GTF2E1: variants seen among roughly 807,000 people sequenced by gnomAD.
GTF2E1 encodes general transcription factor IIE subunit 1, also known as TFIIE alpha subunit.
Under a neutral mutation model 34.9 loss-of-function variants are expected in GTF2E1, and 14 were observed. The observed-to-expected ratio is 0.40, with a 90% CI of 0.27 to 0.63. The LOEUF (loss-of-function observed/expected upper bound fraction) is 0.63, where lower values mean the gene tolerates loss of function less well. Among genes scored for constraint, GTF2E1 ranks in the 20% least tolerant of loss-of-function variants. The pLI is 0.39. For synonymous variants in GTF2E1, 188 were observed against 192.9 expected, an observed-to-expected ratio of 0.97 and a Z score of 0.21; for missense variants, 469 against 557.7, an observed-to-expected ratio of 0.84 and a Z score of 1.60.
At position 120,770,734 on chromosome 3, in the gene GTF2E1, T is replaced by G. The variant is rs1709344028; in HGVS notation, c.455T>G (p.Phe152Cys). 1.2e-6 allele frequency: 2 copies of G among 1,612,322 alleles called. No individual in the cohort carries two copies. The highest frequency in any genetic ancestry group is 8.5e-7 in the Non-Finnish European group (1 of 1,178,612). ...NQLFDPMTGT[F>C]RCTFCHTEVE... ...ATACTTGTTTTCTCTGTAGGAACTT[T>G]CCGCTGTACTTTTTGCCATACAGAG... is the stretch of plus-strand genomic sequence containing the variant. The change falls in exon 3 of 5, where the codon TTC becomes TGC. Residue 152 changes from phenylalanine to cysteine, a missense_variant. By Grantham distance (205) the Phe-to-Cys change is radical. Transcript: ENST00000283875.
At chr3:120,755,944 A>G (rs1402280888) in intron 2 of GTF2E1, among the ~76,000 whole-genome samples, 1 of 152,152 alleles carries the variant, frequency 6.6e-6, no homozygotes, top group Non-Finnish European at 1.5e-5. Flanking sequence ...ACTGAATCTC[A>G]TTCTTTTTTA....
At chr3:120,776,402 T>C (rs1709399284) in intron 3 of GTF2E1, 21 bp from the exon 4 acceptor site, 1 of 1,597,066 alleles carries the variant, frequency 6.3e-7, no homozygotes. Context: ...CTTCCTGTAC[T>C]CCTCTATTCT....
intron 2 of GTF2E1, among the ~76,000 whole-genome samples, chr3:120,754,437 A>G (rs1709191526): frequency 6.6e-6 from 1 of 152,078 alleles, no homozygotes; most frequent in Non-Finnish European, 1.5e-5. Context: ...TAGTGTTCAA[A>G]ATACATTTTA....
In GTF2E1 at chr3:120,750,734, C is replaced by T; in HGVS notation, c.182C>T (p.Ser61Leu). 2 of 1,613,996 alleles carry T rather than the reference C, an allele frequency of 1.2e-6. No individual in the cohort carries two copies. Among genetic ancestry groups the T allele is most frequent in the Non-Finnish European group, 1.7e-6 (2 of 1,179,946 alleles). ...LLKFDRKQLR[S>L]VLNNLKGDKF... The stretch of plus-strand genomic sequence containing the variant: ...AAGTTTGATCGGAAGCAACTTCGAT[C>T]AGTTTTGAATAATTTAAAGGGAGAC... Residue 61 changes from serine to leucine, a missense_variant, in exon 2 of 5, where the codon TCA becomes TTA. Physicochemically the swap from Ser to Leu is moderately radical, Grantham distance 145 (BLOSUM62 -2). Transcript: ENST00000283875.
At chr3:120,759,035 A>G (rs1024625381) in intron 2 of GTF2E1, among the ~76,000 whole-genome samples, 1 of 152,186 alleles carries the variant, frequency 6.6e-6, no homozygotes, top group Non-Finnish European at 1.5e-5. Context: ...ACTCCCACCA[A>G]TAGTATAAAA....
At chr3:120,751,887 T>G (rs1457092233) in intron 2 of GTF2E1, among the ~76,000 whole-genome samples, 1 of 152,190 alleles carries the variant, frequency 6.6e-6, no homozygotes, top group African/African-American at 2.4e-5. Context: ...TAGATCTGCT[T>G]TTTTAAAAAC....
chr3:120,743,272 T>G (rs543306935), intron 1 of GTF2E1, among the ~76,000 whole-genome samples: 2 of 152,334 alleles, frequency 1.3e-5, no homozygotes, highest in South Asian at 4.1e-4. Context: ...CCACTTTTCT[T>G]GTTTTTTTCT....
At position 120,776,558 on chromosome 3, in the gene GTF2E1, A is replaced by C. The variant is rs1302502157; in HGVS notation, c.786A>C (p.Glu262Asp). The change falls in exon 4 of 5, where the codon GAA becomes GAC. Residue 262 changes from glutamate to aspartate, a missense_variant. Glu to Asp is a conservative substitution (Grantham distance 45). Transcript: ENST00000283875. ...QNVVINMDDQ[E>D]DLHRASLEGK... Reference sequence around the variant, plus strand: ...TTGTCATTAACATGGATGACCAAGAAGATCTTCATCGAGCCTCACTGGAAG... The same window carrying C: ...TTGTCATTAACATGGATGACCAAGACGATCTTCATCGAGCCTCACTGGAAG... The C allele has an allele frequency of 6.2e-7, 1 of 1,614,048 alleles. No homozygotes were observed. Among genetic ancestry groups the C allele is most frequent in the South Asian group, 1.1e-5 (1 of 91,082 alleles).
At chr3:120,779,398 A>G (rs1709428368) in intron 4 of GTF2E1, among the ~76,000 whole-genome samples, 1 of 152,166 alleles carries the variant, frequency 6.6e-6, no homozygotes. Flanking sequence ...TCTAAGGAGG[A>G]GGTTCAGCCT....
intron 3 of GTF2E1, among the ~76,000 whole-genome samples, chr3:120,774,020 G>A (rs1709377676): frequency 6.6e-6 from 1 of 152,140 alleles, no homozygotes; most frequent in Non-Finnish European, 1.5e-5. Flanking sequence ...CAATGCTAAA[G>A]ATAGAGAATA....
intron 1 of GTF2E1, among the ~76,000 whole-genome samples, chr3:120,744,219 A>G (rs1709084932): frequency 6.6e-6 from 1 of 152,192 alleles, no homozygotes; most frequent in Non-Finnish European, 1.5e-5. Context: ...AAAATTTTTG[A>G]AACATTCTTT....
At chr3:120,770,287 G>A (rs1324669433) in intron 2 of GTF2E1, among the ~76,000 whole-genome samples, 1 of 152,068 alleles carries the variant, frequency 6.6e-6, no homozygotes, top group East Asian at 1.9e-4. Flanking sequence ...AATAGCCTGT[G>A]ACAATGTTCA....
intron 2 of GTF2E1, among the ~76,000 whole-genome samples, chr3:120,762,476 C>T (rs541858614): frequency 2.6e-5 from 4 of 152,268 alleles, no homozygotes; most frequent in African/African-American, 9.6e-5. Context: ...TAGTGGCCTT[C>T]TTTGTCTCTT....
intron 1 of GTF2E1, among the ~76,000 whole-genome samples, chr3:120,747,492 T>A (rs1181718889): frequency 6.6e-6 from 1 of 152,166 alleles, no homozygotes; most frequent in African/African-American, 2.4e-5. Context: ...GTGAGATATA[T>A]GCGGTGTTTG....
In GTF2E1 at chr3:120,763,117, G is replaced by A. The variant is rs113567636; in HGVS notation, c.449-7611G>A. ...CAAGCTCCCCAATTCACTACCTTCC[G>A]CATATATATATTCTATTGGCTATCG... is the stretch of plus-strand genomic sequence containing the variant. On this transcript the variant is annotated intron_variant, in intron 2 of 4. Transcript: ENST00000283875. 3.9e-5 allele frequency among the ~76,000 whole-genome samples: 6 copies of A among 152,176 alleles called. 1 individual carries two copies. The highest frequency in any genetic ancestry group is 9.6e-5 in the African/African-American group (4 of 41,524).
intron 2 of GTF2E1, among the ~76,000 whole-genome samples, chr3:120,752,945 G>T (rs896915466): frequency 6.6e-6 from 1 of 152,098 alleles, no homozygotes; most frequent in African/African-American, 2.4e-5. Flanking sequence ...CTACAGTAAA[G>T]CCTGAGGTAT....
At chr3:120,744,527 G>A (rs1309778071) in intron 1 of GTF2E1, among the ~76,000 whole-genome samples, 1 of 152,138 alleles carries the variant, frequency 6.6e-6, no homozygotes, top group Non-Finnish European at 1.5e-5. Context: ...CTCGTCAGGG[G>A]TCACCTATTT....
At chr3:120,756,335 C>G (rs951630071) in intron 2 of GTF2E1, among the ~76,000 whole-genome samples, 1 of 151,652 alleles carries the variant, frequency 6.6e-6, no homozygotes, top group East Asian at 1.9e-4. Context: ...GCTAAAAACA[C>G]AAACACAAAA....
intron 3 of GTF2E1, among the ~76,000 whole-genome samples, chr3:120,776,057 C>T (rs1709396075): frequency 6.6e-6 from 1 of 152,100 alleles, no homozygotes; most frequent in South Asian, 2.1e-4. Flanking sequence ...AAACAAAATA[C>T]TGGGAGAGAT....
Sources: gnomAD v4.1 joint callset for allele counts (sites outside exome capture counted in the v4.1 genomes callset) on GRCh38, gnomAD v4.1.1 for gene constraint, MANE v1.5 for transcripts, NCBI Gene and HGNC (gene_info 2026-07-23, HGNC 2026-07-21) for gene names.